Variants in CNTN5 observed in about 807,000 individuals in gnomAD.
CNTN5 encodes the protein contactin 5, also known as contactin-5.
Under a neutral mutation model 129.1 loss-of-function variants are expected in CNTN5, and 77 were observed. The ratio of observed to expected loss-of-function variants is 0.60; its 90% CI spans 0.50 to 0.72. The LOEUF (loss-of-function observed/expected upper bound fraction) is 0.72, where lower values mean the gene tolerates loss of function less well. Among genes scored for constraint, CNTN5 ranks in the 30% least tolerant of loss-of-function variants. The pLI, the probability that CNTN5 is intolerant of heterozygous loss-of-function variation, is 0.00. For synonymous variants in CNTN5, 509 were observed against 465.6 expected, an observed-to-expected ratio of 1.09 and a Z score of -1.20; for missense variants, 1,478 against 1,328.8, an observed-to-expected ratio of 1.11 and a Z score of -1.75.
At position 100,047,301 on chromosome 11, in the gene CNTN5, C is replaced by T. The variant is rs575803630; in HGVS notation, c.981-13911C>T. On this transcript the variant is annotated intron_variant, in intron 9 of 24. Coordinates refer to ENST00000524871, the MANE Select transcript of CNTN5 (RefSeq NM_014361.4). ...AGAGAGTGAAAAAAAGACCAGGTCA[C>T]AGGGGTAGGGTTAATCTAGTTCTAA... 4.3e-4 allele frequency among the ~76,000 whole-genome samples: 65 copies of T among 152,142 alleles called. 1 individual carries two copies. In the South Asian group the frequency reaches 0.012, roughly 28 times the overall value.
rs922026693 is a variant in CNTN5, at chr11:99,415,579, G to A, written c.-71+90095G>A. 4.6e-5 allele frequency among the ~76,000 whole-genome samples: 7 copies of A among 152,286 alleles called. No individual in the cohort carries two copies. In the East Asian group the frequency reaches 1.4e-3, roughly 29 times the overall value. ...TTTTATGGCTGTCTTTGACGAAAGG[G>A]AGTTCTGGTTTCTATGACTCACATT... On this transcript the variant is annotated intron_variant, in intron 2 of 24. Transcript: ENST00000524871.
Position 100,118,999 on chromosome 11 carries a change from T to C in CNTN5, c.1580+44705T>C, listed in dbSNP as rs868488035. Among the ~76,000 whole-genome samples, 41 of 151,482 alleles carry C rather than the reference T, an allele frequency of 2.7e-4. 1 individual carries two copies. Among genetic ancestry groups the C allele is most frequent in the African/African-American group, 8.7e-4 (36 of 41,272 alleles). ...CCATGTACATTTTCTACATTAACCA[T>C]GTCAAAGTGTGAACTTTTAGTCTCC... On this transcript the variant is annotated intron_variant, in intron 13 of 24. Transcript: ENST00000524871.
intron 3 of CNTN5, among the ~76,000 whole-genome samples, chr11:99,715,240 T>C (rs1002886848): frequency 1.3e-5 from 2 of 151,832 alleles, no homozygotes; most frequent in South Asian, 2.1e-4. Context: ...CGCAATTACA[T>C]AGTGAAAGTC....
At chr11:99,935,108 A>C (rs1950286129) in intron 7 of CNTN5, among the ~76,000 whole-genome samples, 1 of 151,032 alleles carries the variant, frequency 6.6e-6, no homozygotes, top group African/African-American at 2.4e-5. Context: ...AATATAATTA[A>C]ATTTTATACG....
At chr11:99,181,681 C>G (rs1444531018) in intron 1 of CNTN5, among the ~76,000 whole-genome samples, 2 of 152,086 alleles carry the variant, frequency 1.3e-5, no homozygotes, top group Admixed American at 6.5e-5. Context: ...TATTTTTCTT[C>G]GTTAGGAAAT....
At chr11:100,220,612 G>A (rs1285104518) in intron 15 of CNTN5, among the ~76,000 whole-genome samples, 2 of 152,016 alleles carry the variant, frequency 1.3e-5, no homozygotes, top group African/African-American at 2.4e-5. Context: ...CTTCCTCTTG[G>A]CTAAGAGTGC....
intron 2 of CNTN5, among the ~76,000 whole-genome samples, chr11:99,430,734 T>TG (rs970885770): frequency 3.9e-4 from 59 of 151,416 alleles, no homozygotes; most frequent in Admixed American, 1.6e-3. Context: ...AACAAAAGGT[T>TG]GGGGGGGCGG....
At chr11:99,633,681 TGCTATAAA>T (rs1297734378) in intron 3 of CNTN5, among the ~76,000 whole-genome samples, 1 of 152,324 alleles carries the variant, frequency 6.6e-6, no homozygotes, top group African/African-American at 2.4e-5. Flanking sequence ...ATACCCTCGG[TGCTATAAA>T]GCCACAAAAG....
At chr11:99,356,702 AT>A (rs200255128) in intron 2 of CNTN5, among the ~76,000 whole-genome samples, 5,578 of 152,308 alleles carry the variant, frequency 0.037, 113 homozygotes, top group African/African-American at 0.05. Flanking sequence ...TTAATGTATA[AT>A]AAAACAAAAT....
At chr11:100,135,201 A>C (rs1946487144) in intron 13 of CNTN5, among the ~76,000 whole-genome samples, 1 of 142,824 alleles carries the variant, frequency 7.0e-6, no homozygotes. Context: ...TTTGAGACAG[A>C]ATCTCATTCT....
At chr11:99,710,622 A>G (rs563708767) in intron 3 of CNTN5, among the ~76,000 whole-genome samples, 70 of 148,620 alleles carry the variant, frequency 4.7e-4, no homozygotes, top group African/African-American at 1.6e-3. Flanking sequence ...TGTATGTTTG[A>G]GTAATAAAGG....
At chr11:100,218,373 T>C (rs948385321) in intron 15 of CNTN5, among the ~76,000 whole-genome samples, 7 of 152,216 alleles carry the variant, frequency 4.6e-5, no homozygotes, top group Non-Finnish European at 4.4e-5. Context: ...ATAAGTGTTC[T>C]ATAATTTACA....
chr11:99,420,028 T>G (rs1403760053), intron 2 of CNTN5, among the ~76,000 whole-genome samples: 1 of 152,114 alleles, frequency 6.6e-6, no homozygotes, highest in South Asian at 2.1e-4. Context: ...AGAAGTGCTA[T>G]AGTCAAGGTA....
At chr11:99,425,534 T>C (rs572440953) in intron 2 of CNTN5, among the ~76,000 whole-genome samples, 1 of 152,178 alleles carries the variant, frequency 6.6e-6, no homozygotes, top group African/African-American at 2.4e-5. Context: ...GGTAGGGGGC[T>C]GGCATAACAG....
intron 1 of CNTN5, among the ~76,000 whole-genome samples, chr11:99,217,257 T>C (rs1159162452): frequency 2.1e-5 from 2 of 97,488 alleles, no homozygotes; most frequent in Non-Finnish European, 4.0e-5. Flanking sequence ...ATGAGTAAAA[T>C]ATCGGCAAAA....
At chr11:99,577,972 TC>T (rs1277250455) in intron 3 of CNTN5, among the ~76,000 whole-genome samples, 3 of 117,798 alleles carry the variant, frequency 2.5e-5, no homozygotes, top group South Asian at 3.1e-4. Flanking sequence ...ATGCTATCCC[TC>T]CCCCCTCCCC....
chr11:99,935,238 C>G (rs1188553166), intron 7 of CNTN5, among the ~76,000 whole-genome samples: 1 of 151,468 alleles, frequency 6.6e-6, no homozygotes, highest in African/African-American at 2.4e-5. Flanking sequence ...GAAAATTGAG[C>G]CCTATAGAAA....
At chr11:99,876,714 G>T (rs373040950) in intron 6 of CNTN5, among the ~76,000 whole-genome samples, 1 of 152,146 alleles carries the variant, frequency 6.6e-6, no homozygotes, top group African/African-American at 2.4e-5. Context: ...CATGTATTAT[G>T]TCAATGCCCC....
intron 8 of CNTN5, among the ~76,000 whole-genome samples, chr11:100,001,424 C>T (rs1011849385): frequency 1.3e-5 from 2 of 152,186 alleles, no homozygotes; most frequent in African/African-American, 4.8e-5. Context: ...AGTGGGGACA[C>T]AGAGCCAAAC....
Sources: gnomAD v4.1 joint callset for allele counts (sites outside exome capture counted in the v4.1 genomes callset) on GRCh38, gnomAD v4.1.1 for gene constraint, MANE v1.5 for transcripts, NCBI Gene and HGNC (gene_info 2026-07-23, HGNC 2026-07-21) for gene names.